Variants in ABCG5 observed in about 807,000 individuals in gnomAD.
ABCG5 encodes the protein ATP binding cassette subfamily G member 5.
ABCG5 carries 64 observed loss-of-function variants against 64.5 expected under a neutral mutation model. The ratio of observed to expected loss-of-function variants is 0.99; its 90% confidence interval spans 0.81 to 1.22. ABCG5 has a LOEUF of 1.22. Among genes scored for constraint, ABCG5 ranks in the 50% most tolerant of loss-of-function variants. ABCG5 has a pLI of 0.00. For synonymous variants in ABCG5, 385 were observed against 326.3 expected, an observed-to-expected ratio of 1.18 and a Z score of -1.94; for missense variants, 908 against 829.5, an observed-to-expected ratio of 1.09 and a Z score of -1.16.
rs139361486 is a variant in ABCG5 at position 43,822,913 on chromosome 2, G to A, written c.1347C>T (p.Ser449=). 2.0e-4 allele frequency: 330 copies of A among 1,614,044 alleles called. 1 individual carries two copies. In the East Asian group the frequency reaches 2.8e-3, roughly 14 times the overall value. The change falls in exon 10 of 13, where the codon AGC becomes AGT. Residue 449 remains serine (S), a synonymous_variant. Transcript: ENST00000405322. ...AGAGGCCGTCCTGACTCTCCTGGTC[G>A]CTGACAGCTCGCAGCACGGGAACTG... The part of the protein sequence containing the change: ...VNLFPVLRAV[S]DQESQDGLYQ...
rs774909356 is a variant in ABCG5 at position 43,825,005 on chromosome 2, A to G, written c.788T>C (p.Ile263Thr). The change falls in exon 7 of 13, where the codon ATT becomes ACT. Residue 263 changes from isoleucine to threonine, a missense_variant. Coordinates refer to ENST00000405322, the MANE Select transcript of ABCG5 (RefSeq NM_022436.3). The part of the protein sequence containing the change: ...RSELFQLFDK[I>T]AILSFGELIF... ...CAGCTCTCCGAAGCTCAGGATGGCA[A>G]TTTTGTCAAAGAGCTGACCAGACAA... 1.1e-5 allele frequency: 17 copies of G among 1,613,702 alleles called. No individual in the cohort carries two copies. In the South Asian group the frequency reaches 1.1e-4, roughly 10 times the overall value.
chr2:43,830,626 C>T (rs1215491901), intron 4 of ABCG5, among the ~76,000 whole-genome samples: 1 of 152,234 alleles, frequency 6.6e-6, no homozygotes, highest in Admixed American at 6.5e-5. Context: ...ATTTTACACG[C>T]TGTGGGCTGG....
At chr2:43,829,109 C>A (rs372552276) in intron 4 of ABCG5, among the ~76,000 whole-genome samples, 1 of 152,204 alleles carries the variant, frequency 6.6e-6, no homozygotes, top group Non-Finnish European at 1.5e-5. Flanking sequence ...ATAGTCACTG[C>A]AGCCCATACA....
chr2:43,811,503 G>C (rs1446442732), downstream of ABCG5, among the ~76,000 whole-genome samples: 2 of 152,022 alleles, frequency 1.3e-5, no homozygotes, highest in African/African-American at 2.4e-5. Flanking sequence ...CTCACCCAAA[G>C]TTACCATAGT....
chr2:43,835,570 G>A (rs1668211129), intron 2 of ABCG5, among the ~76,000 whole-genome samples: 1 of 152,178 alleles, frequency 6.6e-6, no homozygotes, highest in Admixed American at 6.5e-5. Flanking sequence ...GCTTTAGTCA[G>A]TGCTATAGTC....
At chr2:43,806,616 A>G in the ABCG5 span, among the ~76,000 whole-genome samples, 1 of 152,324 alleles carries the variant, frequency 6.6e-6, no homozygotes, top group East Asian at 1.9e-4. Context: ...ATATTTATCT[A>G]GGAGTCAATG....
intron 6 of ABCG5, among the ~76,000 whole-genome samples, chr2:43,825,890 C>G (rs371936948): frequency 6.6e-6 from 1 of 152,286 alleles, no homozygotes; most frequent in Non-Finnish European, 1.5e-5. Context: ...GTATTTGGAA[C>G]ATGGTAGGTG....
At chr2:43,829,422 A>G (rs772658987) in intron 4 of ABCG5, among the ~76,000 whole-genome samples, 19 of 152,184 alleles carry the variant, frequency 1.2e-4, no homozygotes, top group South Asian at 2.1e-4. Flanking sequence ...GCCACATTTA[A>G]AATTCCCTTT....
At chr2:43,818,445 A>AAAAAAC (rs560830035) in intron 11 of ABCG5, among the ~76,000 whole-genome samples, 15 of 152,352 alleles carry the variant, frequency 9.8e-5, no homozygotes, top group African/African-American at 3.4e-4. Flanking sequence ...CTGTGTTTCA[A>AAAAAAC]AAAAACAAAA....
chr2:43,828,680 A>C (rs762278006), intron 4 of ABCG5, among the ~76,000 whole-genome samples: 6 of 149,688 alleles, frequency 4.0e-5, no homozygotes, highest in Non-Finnish European at 7.4e-5. Context: ...AATAAAATAA[A>C]ATGGGCCTGG....
chr2:43,828,147 G>C (rs1667736631), intron 4 of ABCG5, 32 bp from the exon 5 acceptor site: 2 of 1,613,410 alleles, frequency 1.2e-6, no homozygotes, highest in East Asian at 2.2e-5. Context: ...GGAAGGCTGG[G>C]AGTCTCTGTG....
At position 43,831,840 on chromosome 2, in the gene ABCG5, C is replaced by A. The variant is rs1232015554; in HGVS notation, c.430G>T (p.Val144Leu). Residue 144 changes from valine (V) to leucine (L), a missense_variant, in exon 4 of 13, where the codon GTG (valine) becomes TTG (leucine). Val to Leu is a conservative substitution (Grantham distance 32). Coordinates refer to ENST00000405322, the MANE Select transcript of ABCG5 (RefSeq NM_022436.3). ...QSDTLLSSLT[V>L]RETLHYTALL... ...GCGGTGTAGTGCAGCGTCTCGCGCACGGTGAGGCTGCTCAGCAGGGTGTCG... is the reference window on the plus strand; with the variant it reads ...GCGGTGTAGTGCAGCGTCTCGCGCAAGGTGAGGCTGCTCAGCAGGGTGTCG... 3.2e-6 allele frequency: 5 copies of A among 1,570,324 alleles called. No individual in the cohort carries two copies. In the South Asian group the frequency reaches 4.7e-5, roughly 15 times the overall value.
chr2:43,818,412 T>C lies in ABCG5; in HGVS notation c.1649+1503A>G, dbSNP rs573383759. Among the ~76,000 whole-genome samples, 4 of 152,238 alleles carry C rather than the reference T, an allele frequency of 2.6e-5. No homozygotes were observed. In the East Asian group the frequency reaches 7.7e-4, roughly 29 times the overall value. ...TGAGCTGAGATCGCGCCATTGCACT[T>C]CAGCCTGGGCGGCAGAGTGAAACTG... On this transcript the variant is annotated intron_variant, in intron 11 of 12. Coordinates refer to ENST00000405322, the MANE Select transcript of ABCG5 (RefSeq NM_022436.3).
At chr2:43,815,511 C>G (rs866347685) in intron 11 of ABCG5, among the ~76,000 whole-genome samples, 1 of 152,174 alleles carries the variant, frequency 6.6e-6, no homozygotes, top group Admixed American at 6.5e-5. Context: ...ATGGTTTCAC[C>G]TATTTGCAAG....
intron 4 of ABCG5, chr2:43,828,365 G>C: frequency 2.0e-6 from 1 of 509,206 alleles, no homozygotes. Context: ...GCTGGGTGCA[G>C]TGGCTCATGC....
At chr2:43,824,825 C>T (rs1667487098) in intron 7 of ABCG5, 64 bp downstream of exon 7, 3 of 1,595,396 alleles carry the variant, frequency 1.9e-6, no homozygotes, top group African/African-American at 2.7e-5. Context: ...GTCATCCAGG[C>T]AGAAGTCTGA....
intron 11 of ABCG5, among the ~76,000 whole-genome samples, chr2:43,818,603 C>G (rs1666997397): frequency 6.6e-6 from 1 of 152,182 alleles, no homozygotes; most frequent in South Asian, 2.1e-4. Flanking sequence ...AAGGTTGGCT[C>G]TGTACATTGC....
At chr2:43,811,998 G>A (rs952846420), downstream of ABCG5, among the ~76,000 whole-genome samples, 1 of 152,112 alleles carries the variant, frequency 6.6e-6, no homozygotes, top group Non-Finnish European at 1.5e-5. Context: ...TCAAGAATGT[G>A]AATTTCTAGT....
rs914996978 is a variant in ABCG5 at position 43,826,445 on chromosome 2, T to C, written c.711A>G (p.Glu237=). The change falls in exon 6 of 13, where the codon GAA becomes GAG. Residue 237 remains glutamate, a synonymous_variant. Coordinates refer to ENST00000405322, the MANE Select transcript of ABCG5 (RefSeq NM_022436.3). ...TANQIVVLLV[E]LARRNRIVVL... is the part of the protein sequence containing the mutation. The stretch of plus-strand genomic sequence containing the variant: ...CCACAATTCGGTTCCTGCGAGCCAG[T>C]TCCACCAGGAGGACGACAATCTGAT... The C allele has an allele frequency of 2.5e-6, 4 of 1,614,134 alleles. No homozygotes were observed. The highest frequency in any genetic ancestry group is 3.4e-6 in the Non-Finnish European group (4 of 1,180,024).
Sources: gnomAD v4.1 joint callset for allele counts (sites outside exome capture counted in the v4.1 genomes callset) on GRCh38, gnomAD v4.1.1 for gene constraint, MANE v1.5 for transcripts, NCBI Gene and HGNC (gene_info 2026-07-23, HGNC 2026-07-21) for gene names.